The following TDRP variants were observed in gnomAD, a reference collection of about 807,000 sequenced individuals.
TDRP encodes testis development-related protein.
In TDRP, 12 loss-of-function variants were observed where a neutral mutation model predicts 10.5. The ratio of observed to expected loss-of-function variants is 1.15; its 90% CI spans 0.73 to 1.86. The LOEUF is 1.86. Among genes scored for constraint, TDRP ranks in the 40% most tolerant of loss-of-function variants. The pLI, the probability that TDRP is intolerant of heterozygous loss-of-function variation, is 0.00. For missense variants in TDRP, 353 were observed against 229.2 expected (o/e 1.54, Z -3.49); for synonymous variants, 139 against 95.4 (o/e 1.46, Z -2.67).
intron 1 of TDRP, among the ~76,000 whole-genome samples, chr8:503,557 C>G (rs1430786452): frequency 6.9e-6 from 1 of 145,446 alleles, no homozygotes; most frequent in African/African-American, 2.7e-5. Flanking sequence ...GCCCACTCAC[C>G]ATGCATCAAC....
intron 1 of TDRP, among the ~76,000 whole-genome samples, chr8:541,686 G>A (rs564209408): frequency 2.6e-5 from 4 of 152,122 alleles, no homozygotes; most frequent in South Asian, 2.1e-4. Flanking sequence ...TCAGGGAATC[G>A]CAATTCAAGA....
chr8:514,228 C>T (rs1801692661), intron 1 of TDRP, among the ~76,000 whole-genome samples: 1 of 152,194 alleles, frequency 6.6e-6, no homozygotes, highest in South Asian at 2.1e-4. Context: ...GTGGTACTAG[C>T]ACATCAATGC....
intron 1 of TDRP, among the ~76,000 whole-genome samples, chr8:512,706 G>C (rs912880320): frequency 1.3e-5 from 2 of 152,138 alleles, no homozygotes; most frequent in African/African-American, 4.8e-5. Flanking sequence ...AGGTGCAGTG[G>C]TCTCATGCCT....
At chr8:499,710 G>A (rs1165828760) in intron 1 of TDRP, among the ~76,000 whole-genome samples, 7 of 152,156 alleles carry the variant, frequency 4.6e-5, no homozygotes, top group African/African-American at 1.2e-4. Flanking sequence ...CAGATATCTC[G>A]GTCTTCACCT....
At position 492,542 on chromosome 8, in the gene TDRP, C is replaced by T. The variant is rs1801009464; in HGVS notation, c.415G>A (p.Asp139Asn). 3 of 1,611,828 alleles carry T rather than the reference C, an allele frequency of 1.9e-6. No homozygotes were observed. Among genetic ancestry groups the T allele is most frequent in the Non-Finnish European group, 1.7e-6 (2 of 1,178,826 alleles). The change falls in exon 3 of 3, where the codon GAC becomes AAC. Residue 139 changes from aspartate (D) to asparagine (N), a missense_variant. Transcript: ENST00000324079. ...GTGTACTTGGTCGAGCCCTTGGCGT[C>T]ATCCTCCCAGCCTGACCAGGATGGG... is the stretch of plus-strand genomic sequence containing the variant. ...GHPSWSGWED[D>N]AKGSTKYTSL...
At chr8:510,444 T>A (rs1033423368) in intron 1 of TDRP, among the ~76,000 whole-genome samples, 1 of 152,156 alleles carries the variant, frequency 6.6e-6, no homozygotes, top group Non-Finnish European at 1.5e-5. Flanking sequence ...ATCTTTATTA[T>A]ACCAACCAAA....
At chr8:528,208 G>C (rs772287471) in intron 1 of TDRP, among the ~76,000 whole-genome samples, 3 of 152,182 alleles carry the variant, frequency 2.0e-5, no homozygotes, top group Non-Finnish European at 4.4e-5. Flanking sequence ...ACTACAATGA[G>C]ATATCACTCA....
At chr8:508,943 A>G (rs6995894) in intron 1 of TDRP, among the ~76,000 whole-genome samples, 41,228 of 152,046 alleles carry the variant, frequency 0.27, 5,725 homozygotes, top group South Asian at 0.35. Context: ...AATGGGAGAA[A>G]CTGGCCAAAA....
chr8:502,207 A>G (rs1801323546), intron 1 of TDRP, among the ~76,000 whole-genome samples: 1 of 152,250 alleles, frequency 6.6e-6, no homozygotes, highest in Non-Finnish European at 1.5e-5. Context: ...CATCCCTTCT[A>G]AATTTGGGAA....
intron 1 of TDRP, among the ~76,000 whole-genome samples, chr8:495,768 C>A (rs1801111090): frequency 6.6e-6 from 1 of 152,222 alleles, no homozygotes; most frequent in Non-Finnish European, 1.5e-5. Context: ...ATAATGAATA[C>A]AATTCAATCA....
At position 544,833 on chromosome 8, in the gene TDRP, C is replaced by G. The variant is rs545833550; in HGVS notation, c.-76G>C. 1.8e-6 allele frequency: 2 copies of G among 1,088,970 alleles called. No homozygotes were observed. The highest frequency in any genetic ancestry group is 3.4e-5 in the East Asian group (1 of 29,580). The allele number at this position is 1,088,970 out of a possible 1,614,324, so 67.5% of individuals were successfully genotyped here. ...GCGTCCCTCCCGGCCGCCGGACGCT[C>G]TGCCTGCGGCTCCTGCGGGACGCGG... On this transcript the variant is annotated 5_prime_UTR_variant, in exon 1 of 3. Coordinates refer to ENST00000324079, the MANE Select transcript of TDRP (RefSeq NM_001384899.1).
At chr8:522,797 G>C (rs1001702861) in intron 1 of TDRP, among the ~76,000 whole-genome samples, 1 of 152,096 alleles carries the variant, frequency 6.6e-6, no homozygotes, top group Non-Finnish European at 1.5e-5. Flanking sequence ...TGTGTTTTGT[G>C]ACAGTTTTTG....
At chr8:508,553 C>T (rs1801528503) in intron 1 of TDRP, among the ~76,000 whole-genome samples, 2 of 152,164 alleles carry the variant, frequency 1.3e-5, no homozygotes, top group Non-Finnish European at 2.9e-5. Context: ...TGAGAACTCA[C>T]TCACTATCAC....
chr8:521,139 A>C (rs1169983281), intron 1 of TDRP, among the ~76,000 whole-genome samples: 1 of 151,696 alleles, frequency 6.6e-6, no homozygotes, highest in African/African-American at 2.4e-5. Context: ...GCAGCAGCTC[A>C]CACCTGTAAT....
chr8:538,351 C>T (rs1369906894), intron 1 of TDRP, among the ~76,000 whole-genome samples: 3 of 152,156 alleles, frequency 2.0e-5, no homozygotes, highest in Non-Finnish European at 2.9e-5. Flanking sequence ...AGGACAAAAG[C>T]GAGGTCCTGA....
intron 1 of TDRP, among the ~76,000 whole-genome samples, chr8:495,978 C>A (rs1016916005): frequency 2.0e-5 from 3 of 152,170 alleles, no homozygotes; most frequent in Non-Finnish European, 2.9e-5. Context: ...GGGGGACAGG[C>A]CCTCCAACAG....
chr8:503,428 C>G lies in TDRP; in HGVS notation c.109-8831G>C, dbSNP rs1383462729. 2.6e-5 allele frequency among the ~76,000 whole-genome samples: 4 copies of G among 151,498 alleles called. No homozygotes were observed. In the South Asian group the frequency reaches 6.2e-4, roughly 24 times the overall value. On this transcript the variant is annotated intron_variant, in intron 1 of 2. Transcript: ENST00000324079. ...CGTCAACACGGAATCCACAGCCACG[C>G]ATTGGAACCCGTGCCCACCTCAGCA...
intron 1 of TDRP, among the ~76,000 whole-genome samples, chr8:515,165 A>T (rs1234663787): frequency 6.6e-6 from 1 of 152,194 alleles, no homozygotes; most frequent in African/African-American, 2.4e-5. Flanking sequence ...TTCTGTGCAC[A>T]GCCAGAGATC....
At chr8:542,787 C>T (rs866837208) in intron 1 of TDRP, among the ~76,000 whole-genome samples, 5 of 145,460 alleles carry the variant, frequency 3.4e-5, no homozygotes, top group Non-Finnish European at 1.5e-5. Context: ...CACTTGAACC[C>T]GGGAGGGTGC....
Sources: allele counts gnomAD v4.1 joint callset (sites outside exome capture counted in the v4.1 genomes callset), GRCh38; gene constraint gnomAD v4.1.1; transcripts MANE v1.5; gene names NCBI Gene and HGNC (gene_info 2026-07-23, HGNC 2026-07-21).